RELN: variants seen among roughly 807,000 people sequenced by gnomAD.
RELN encodes the protein reelin.
RELN carries 108 observed loss-of-function variants against 427.6 expected under a neutral mutation model. The observed-to-expected ratio is 0.25, with a 90% confidence interval of 0.22 to 0.30. The LOEUF is 0.30. Among genes scored for constraint, RELN ranks in the 10% least tolerant of loss-of-function variants. The pLI, the probability that RELN is intolerant of heterozygous loss-of-function variation, is 1.00. For synonymous variants in RELN, 1,524 were observed against 1,513.4 expected (o/e 1.01, Z -0.16); for missense variants, 3,715 against 4,302.8 (o/e 0.86, Z 3.82).
At chr7:103,518,341 TTTTTTTTTA>T (rs1315070640) in intron 49 of RELN, among the ~76,000 whole-genome samples, 1 of 103,086 alleles carries the variant, frequency 9.7e-6, no homozygotes, top group Non-Finnish European at 1.8e-5. Flanking sequence ...TTTTTTTTTT[TTTTTTTTTA>T]AAGATGCGGT....
At chr7:103,533,645 AG>A (rs1340312321) in intron 46 of RELN, among the ~76,000 whole-genome samples, 1 of 152,216 alleles carries the variant, frequency 6.6e-6, no homozygotes, top group African/African-American at 2.4e-5. Flanking sequence ...AGTACAGAAC[AG>A]GGGGAAATGG....
chr7:103,537,651 C>G (rs976225952), intron 45 of RELN, among the ~76,000 whole-genome samples: 3 of 152,184 alleles, frequency 2.0e-5, no homozygotes, highest in Non-Finnish European at 4.4e-5. Flanking sequence ...TTGGGCTCTC[C>G]TCTACTTTCT....
chr7:103,883,698 A>C (rs765336536), intron 2 of RELN, among the ~76,000 whole-genome samples: 1 of 152,210 alleles, frequency 6.6e-6, no homozygotes, highest in African/African-American at 2.4e-5. Context: ...TACAAAGGGA[A>C]TAAAATACCT....
chr7:103,721,907 GCAC>G (rs754730864), intron 8 of RELN, among the ~76,000 whole-genome samples: 1 of 152,086 alleles, frequency 6.6e-6, no homozygotes, highest in Admixed American at 6.6e-5. Context: ...TGTTTTTGTA[GCAC>G]CACAACTCTT....
intron 3 of RELN, among the ~76,000 whole-genome samples, chr7:103,808,192 T>C (rs1387430412): frequency 6.9e-6 from 1 of 145,878 alleles, no homozygotes; most frequent in African/African-American, 2.6e-5. Context: ...ACAATAAAGA[T>C]AACCATCAAA....
At chr7:103,985,543 C>T (rs1435963766) in intron 1 of RELN, among the ~76,000 whole-genome samples, 1 of 152,192 alleles carries the variant, frequency 6.6e-6, no homozygotes, top group Non-Finnish European at 1.5e-5. Flanking sequence ...CAGTTCCTTA[C>T]TGACATGATT....
chr7:103,672,148 T>C (rs1166043604), intron 11 of RELN, among the ~76,000 whole-genome samples: 1 of 152,166 alleles, frequency 6.6e-6, no homozygotes, highest in African/African-American at 2.4e-5. Flanking sequence ...AGTATCAACT[T>C]ACATCAAAAG....
intron 11 of RELN, among the ~76,000 whole-genome samples, chr7:103,677,891 C>G (rs537504917): frequency 1.3e-5 from 2 of 151,722 alleles, no homozygotes. Context: ...AATGAGACGC[C>G]TTTTGTAGTG....
intron 22 of RELN, among the ~76,000 whole-genome samples, chr7:103,606,884 T>G (rs1013946761): frequency 1.3e-5 from 2 of 152,044 alleles, no homozygotes; most frequent in Non-Finnish European, 2.9e-5. Context: ...CCTGTGTCCA[T>G]GTGTTCTCAT....
chr7:103,584,536 C>A lies in RELN; in HGVS notation c.4145+5060G>T, dbSNP rs990041762. 4.0e-4 allele frequency among the ~76,000 whole-genome samples: 61 copies of A among 151,986 alleles called. 1 individual carries two copies. Among genetic ancestry groups the A allele is most frequent in the African/African-American group, 1.5e-3 (60 of 41,368 alleles). ...ACAACCATCCTAAACATATATGTACCCAACCATGGAACACCCACATTCATA... is the reference window on the plus strand; with the variant it reads ...ACAACCATCCTAAACATATATGTACACAACCATGGAACACCCACATTCATA... On this transcript the variant is annotated intron_variant, in intron 28 of 64. Coordinates refer to ENST00000428762, the MANE Select transcript of RELN (RefSeq NM_005045.4).
Position 103,471,897 on chromosome 7 carries a change from TA to T in RELN, c.*914del, listed in dbSNP as rs1827872763. On this transcript the variant is annotated 3_prime_UTR_variant, in exon 65 of 65. Transcript: ENST00000428762. ...AGCATTCAGAGCTACAGGGCCATTA[TA>T]ATGTTGCTGGTGTTGTACAACTTCA... The T allele has an allele frequency of 6.6e-6, 1 of 152,620 alleles. No homozygotes were observed. Among genetic ancestry groups the T allele is most frequent in the South Asian group, 2.1e-4 (1 of 4,832 alleles). The allele number at this position is 152,620 out of a possible 1,614,324, so 9.5% of individuals were successfully genotyped here.
intron 11 of RELN, among the ~76,000 whole-genome samples, chr7:103,667,833 A>G (rs1176849221): frequency 1.3e-5 from 2 of 152,238 alleles, no homozygotes; most frequent in African/African-American, 4.8e-5. Context: ...CAAAGCAAAG[A>G]CTATCCAGGG....
At chr7:103,779,736 T>G (rs1791838439) in intron 3 of RELN, among the ~76,000 whole-genome samples, 1 of 152,152 alleles carries the variant, frequency 6.6e-6, no homozygotes, top group Non-Finnish European at 1.5e-5. Flanking sequence ...TTTTCCTTCT[T>G]TCTTTCTGTT....
intron 1 of RELN, among the ~76,000 whole-genome samples, chr7:103,961,647 G>C (rs1716550752): frequency 6.6e-6 from 1 of 152,170 alleles, no homozygotes. Flanking sequence ...GGGATTGTGA[G>C]TCTAGGCTTT....
intron 49 of RELN, among the ~76,000 whole-genome samples, chr7:103,518,106 T>C (rs1829609898): frequency 6.6e-6 from 1 of 152,140 alleles, no homozygotes; most frequent in Non-Finnish European, 1.5e-5. Context: ...TCACTGGTGC[T>C]TGCGGAGCCA....
In RELN at chr7:103,749,166, T is replaced by C. The variant is rs898517045; in HGVS notation, c.656+260A>G. On this transcript the variant is annotated intron_variant, in intron 6 of 64. Coordinates refer to ENST00000428762, the MANE Select transcript of RELN (RefSeq NM_005045.4). ...ACATATAATAGCATAATATTTTCTA[T>C]GTAAGGATATTGCAAAACTGAAAAA... Among the ~76,000 whole-genome samples the C allele has an allele frequency of 8.6e-5, 13 of 151,946 alleles. 1 individual carries two copies. Among genetic ancestry groups the C allele is most frequent in the Admixed American group, 7.9e-4 (12 of 15,266 alleles).
intron 12 of RELN, among the ~76,000 whole-genome samples, chr7:103,655,585 T>C (rs182641843): frequency 7.4e-4 from 112 of 152,148 alleles, no homozygotes; most frequent in Non-Finnish European, 5.7e-4. Flanking sequence ...TCGACCTGAG[T>C]AATTGGGTCT....
At chr7:103,498,625 G>A (rs1359945932) in intron 53 of RELN, among the ~76,000 whole-genome samples, 2 of 151,944 alleles carry the variant, frequency 1.3e-5, no homozygotes, top group African/African-American at 4.8e-5. Context: ...CTGAGTAGCT[G>A]GGATTACAGG....
In RELN at chr7:103,972,585, C is replaced by A. The variant is rs148328620; in HGVS notation, c.226+16546G>T. Among the ~76,000 whole-genome samples the A allele has an allele frequency of 3.0e-3, 449 of 152,110 alleles. 1 individual carries two copies. The highest frequency in any genetic ancestry group is 0.01 in the African/African-American group (432 of 41,506). On this transcript the variant is annotated intron_variant, in intron 1 of 64. Coordinates refer to ENST00000428762, the MANE Select transcript of RELN (RefSeq NM_005045.4). ...GGCAGATCCCCATCACAATGACTGGCGTTGGCCATCTGACTTCTGTTTGGA... is the reference window on the plus strand; with the variant it reads ...GGCAGATCCCCATCACAATGACTGGAGTTGGCCATCTGACTTCTGTTTGGA...
Sources: gnomAD v4.1 joint callset for allele counts (sites outside exome capture counted in the v4.1 genomes callset) on GRCh38, gnomAD v4.1.1 for gene constraint, MANE v1.5 for transcripts, NCBI Gene and HGNC (gene_info 2026-07-23, HGNC 2026-07-21) for gene names.